The following AK5 variants were observed in gnomAD, a reference collection of about 807,000 sequenced individuals.
AK5 encodes adenylate kinase isoenzyme 5.
In AK5, 27 loss-of-function variants were observed where a neutral mutation model predicts 69.5. That is an observed-to-expected ratio of 0.39 (90% CI 0.29 to 0.54). The LOEUF is 0.54. Among genes scored for constraint, AK5 ranks in the 20% least tolerant of loss-of-function variants. The pLI is 0.71. For synonymous variants in AK5, 260 were observed against 244.4 expected (o/e 1.06, Z -0.60); for missense variants, 531 against 700.4 (o/e 0.76, Z 2.73).
intron 6 of AK5, among the ~76,000 whole-genome samples, chr1:77,356,353 T>C (rs895122226): frequency 2.0e-5 from 3 of 152,072 alleles, no homozygotes; most frequent in African/African-American, 7.2e-5. Context: ...AACACCCTAA[T>C]CACAACCTGG....
chr1:77,539,313 C>T (rs1034164248), intron 13 of AK5, among the ~76,000 whole-genome samples: 2 of 152,222 alleles, frequency 1.3e-5, no homozygotes, highest in Admixed American at 6.5e-5. Flanking sequence ...TTCAACTTCC[C>T]CTGCATTTTG....
intron 8 of AK5, among the ~76,000 whole-genome samples, chr1:77,433,738 A>G (rs1651786257): frequency 6.6e-6 from 1 of 152,176 alleles, no homozygotes; most frequent in African/African-American, 2.4e-5. Context: ...AAAACAAAAC[A>G]TTGAGGAAAA....
intron 6 of AK5, among the ~76,000 whole-genome samples, chr1:77,367,551 T>TTTTATATATATATA (rs1553139653): frequency 1.0e-4 from 2 of 19,718 alleles, no homozygotes; most frequent in Non-Finnish European, 1.9e-4. Flanking sequence ...CTCATTTATG[T>TTTTATATATATATA]TATTTTTATA....
At chr1:77,478,907 A>C (rs995012403) in intron 8 of AK5, among the ~76,000 whole-genome samples, 1 of 150,008 alleles carries the variant, frequency 6.7e-6, no homozygotes, top group African/African-American at 2.5e-5. Context: ...ATAGTACCAG[A>C]ACCCAGCCTT....
At chr1:77,413,866 A>C (rs1650215715) in intron 7 of AK5, among the ~76,000 whole-genome samples, 1 of 152,012 alleles carries the variant, frequency 6.6e-6, no homozygotes, top group African/African-American at 2.4e-5. Flanking sequence ...AAAACTCCCC[A>C]CTTCCCCTTC....
At chr1:77,542,549 G>A (rs1005654910) in intron 13 of AK5, among the ~76,000 whole-genome samples, 2 of 152,214 alleles carry the variant, frequency 1.3e-5, no homozygotes, top group Admixed American at 6.5e-5. Flanking sequence ...AGAAGGGCTC[G>A]TTGTGAGCTG....
chr1:77,425,108 G>A (rs1651107117), intron 8 of AK5, among the ~76,000 whole-genome samples: 1 of 152,138 alleles, frequency 6.6e-6, no homozygotes, highest in Non-Finnish European at 1.5e-5. Context: ...AGAAAATGGA[G>A]TAAAATATTT....
At chr1:77,461,545 G>A (rs1373630954) in intron 8 of AK5, among the ~76,000 whole-genome samples, 1 of 151,648 alleles carries the variant, frequency 6.6e-6, no homozygotes, top group African/African-American at 2.4e-5. Context: ...GCCTAGGTGG[G>A]CAGATCACGA....
chr1:77,439,555 T>A (rs1652174293), intron 8 of AK5, among the ~76,000 whole-genome samples: 1 of 152,078 alleles, frequency 6.6e-6, no homozygotes, highest in Non-Finnish European at 1.5e-5. Context: ...CTCCTCTCCC[T>A]CATCACTCTT....
chr1:77,298,653 C>CCA (rs150529091), intron 5 of AK5, among the ~76,000 whole-genome samples: 52 of 146,196 alleles, frequency 3.6e-4, no homozygotes, highest in African/African-American at 9.1e-4. Flanking sequence ...AAAAAAAAAA[C>CCA]CACACACACA....
chr1:77,470,865 ATATATATATATTTTT>A (rs1426250747), intron 8 of AK5, among the ~76,000 whole-genome samples: 2 of 6,436 alleles, frequency 3.1e-4, no homozygotes, highest in African/African-American at 1.3e-3. Flanking sequence ...ATATATATAT[ATATATATATATTTTT>A]TTTTTTTTTT....
chr1:77,344,424 C>A (rs1224430971), intron 6 of AK5, among the ~76,000 whole-genome samples: 1 of 152,296 alleles, frequency 6.6e-6, no homozygotes, highest in Middle Eastern at 3.4e-3. Context: ...ACATCTTTTA[C>A]TGCTTTATGC....
chr1:77,491,086 T>C (rs1009870333), intron 10 of AK5, among the ~76,000 whole-genome samples: 1 of 152,090 alleles, frequency 6.6e-6, no homozygotes, highest in Non-Finnish European at 1.5e-5. Context: ...TGTGATAAAC[T>C]GTTTTTAAGT....
chr1:77,528,916 G>A (rs944275962), intron 12 of AK5, among the ~76,000 whole-genome samples: 1 of 151,350 alleles, frequency 6.6e-6, no homozygotes, highest in South Asian at 2.1e-4. Context: ...TCTACAAAAT[G>A]TTGGTTGGAA....
At chr1:77,319,927 A>C (rs1660438814) in intron 5 of AK5, among the ~76,000 whole-genome samples, 1 of 152,208 alleles carries the variant, frequency 6.6e-6, no homozygotes, top group Non-Finnish European at 1.5e-5. Context: ...AAAATGAATA[A>C]ACAGGGTAAT....
intron 8 of AK5, among the ~76,000 whole-genome samples, chr1:77,462,297 T>TTGAA (rs562296210): frequency 8.0e-6 from 1 of 125,444 alleles, no homozygotes; most frequent in East Asian, 2.4e-4. Flanking sequence ...CAAATATTTG[T>TTGAA]TGGATAGATG....
intron 10 of AK5, among the ~76,000 whole-genome samples, chr1:77,513,582 G>A (rs1657471660): frequency 6.6e-6 from 1 of 152,262 alleles, no homozygotes. Flanking sequence ...ACTCACACCT[G>A]TAATTCCAGC....
chr1:77,326,275 G>T (rs1403237376), intron 5 of AK5, among the ~76,000 whole-genome samples: 2 of 152,060 alleles, frequency 1.3e-5, no homozygotes, highest in African/African-American at 4.8e-5. Context: ...GAATTTCTTT[G>T]GAGACAGTCT....
At chr1:77,286,230 C>T (rs1430504710) in intron 1 of AK5, among the ~76,000 whole-genome samples, 1 of 151,572 alleles carries the variant, frequency 6.6e-6, no homozygotes, top group Non-Finnish European at 1.5e-5. Flanking sequence ...TATTATTACC[C>T]CCATTTTCTA....
Sources: allele counts gnomAD v4.1 joint callset (sites outside exome capture counted in the v4.1 genomes callset), GRCh38; gene constraint gnomAD v4.1.1; transcripts MANE v1.5; gene names NCBI Gene and HGNC (gene_info 2026-07-23, HGNC 2026-07-21).